The following PLXNA4 variants were observed in gnomAD, a reference collection of about 807,000 sequenced individuals.
PLXNA4 encodes the protein plexin-A4.
Under a neutral mutation model 191.8 loss-of-function variants are expected in PLXNA4, and 44 were observed. The ratio of observed to expected loss-of-function variants is 0.23; its 90% CI spans 0.18 to 0.29. The LOEUF is 0.29. Among genes scored for constraint, PLXNA4 ranks in the 10% least tolerant of loss-of-function variants. The pLI, the probability that PLXNA4 is intolerant of heterozygous loss-of-function variation, is 1.00. For synonymous variants in PLXNA4, 1,082 were observed against 1,009.5 expected (o/e 1.07, Z -1.36); for missense variants, 1,800 against 2,488.8 (o/e 0.72, Z 5.89).
At chr7:132,143,468 C>T (rs1795328286) in intron 29 of PLXNA4, among the ~76,000 whole-genome samples, 1 of 152,188 alleles carries the variant, frequency 6.6e-6, no homozygotes, top group Non-Finnish European at 1.5e-5. Context: ...TTGCACTGTG[C>T]TACTAAAAGC....
At chr7:132,471,332 G>T (rs1041478317) in intron 3 of PLXNA4, among the ~76,000 whole-genome samples, 1 of 152,134 alleles carries the variant, frequency 6.6e-6, no homozygotes, top group Non-Finnish European at 1.5e-5. Flanking sequence ...TGCAAGAACG[G>T]TGTAATACAA....
chr7:132,232,093 T>C (rs1335179303), intron 5 of PLXNA4, among the ~76,000 whole-genome samples: 1 of 152,098 alleles, frequency 6.6e-6, no homozygotes, highest in Non-Finnish European at 1.5e-5. Flanking sequence ...TCTTGTGGGG[T>C]CTGTCAAGGG....
intron 23 of PLXNA4, among the ~76,000 whole-genome samples, chr7:132,164,932 G>C (rs573918768): frequency 6.6e-6 from 1 of 152,216 alleles, no homozygotes. Context: ...AACTAGCCTT[G>C]GGAAGACTGT....
Position 132,337,417 on chromosome 7 carries a change from G to A in PLXNA4, c.1372-39195C>T, listed in dbSNP as rs571061982. Among the ~76,000 whole-genome samples the A allele has an allele frequency of 2.0e-3, 308 of 152,292 alleles. 2 individuals carry two copies. Among genetic ancestry groups the A allele is most frequent in the African/African-American group, 6.6e-3 (276 of 41,556 alleles). On this transcript the variant is annotated intron_variant, in intron 3 of 31. Coordinates refer to ENST00000321063, the MANE Select transcript of PLXNA4 (RefSeq NM_020911.2). ...CACAGAAATACATGGCTAAAACAGC[G>A]CACATATACCTGTGTTGTGCACATT...
chr7:132,640,219 T>C (rs1803711982), intron 2 of PLXNA4, among the ~76,000 whole-genome samples: 1 of 152,154 alleles, frequency 6.6e-6, no homozygotes, highest in East Asian at 1.9e-4. Context: ...ACGTGCTGGG[T>C]GCTGGGGTAC....
At chr7:132,406,509 A>G (rs768645187) in intron 3 of PLXNA4, among the ~76,000 whole-genome samples, 1 of 152,174 alleles carries the variant, frequency 6.6e-6, no homozygotes, top group African/African-American at 2.4e-5. Flanking sequence ...GACCACATGA[A>G]TGAAAAGAAT....
Position 132,507,563 on chromosome 7 carries a change from G to A in PLXNA4, c.1131C>T (p.Gly377=), listed in dbSNP as rs142219743. 3.8e-4 allele frequency: 611 copies of A among 1,613,852 alleles called. No individual in the cohort carries two copies. The highest frequency in any genetic ancestry group is 9.3e-4 in the Admixed American group (56 of 59,988). ...GCCAGGCCAGGTCCAGCGTGCCCTC[G>A]CCCCGGTAACAAGACTGCAGCCGCT... ...IKERLQSCYR[G]EGTLDLAWLK... The change falls in exon 2 of 32, where the codon GGC becomes GGT. Residue 377 remains glycine (G), a synonymous_variant. Coordinates refer to ENST00000321063, the MANE Select transcript of PLXNA4 (RefSeq NM_020911.2).
At chr7:132,181,338 C>T (rs766429495) in intron 18 of PLXNA4, 43 bp downstream of exon 18, 2 of 1,610,592 alleles carry the variant, frequency 1.2e-6, no homozygotes, top group Admixed American at 1.7e-5. Context: ...CATGCAGCAG[C>T]CCCTTCTTTT....
At chr7:132,550,280 A>C (rs1391183853) in intron 1 of PLXNA4, among the ~76,000 whole-genome samples, 1 of 152,196 alleles carries the variant, frequency 6.6e-6, no homozygotes, top group Non-Finnish European at 1.5e-5. Context: ...TGAGGCACCC[A>C]CAAGTGAGGA....
intron 9 of PLXNA4, among the ~76,000 whole-genome samples, chr7:132,216,809 C>T (rs1205523523): frequency 3.3e-5 from 5 of 152,186 alleles, no homozygotes; most frequent in African/African-American, 4.8e-5. Flanking sequence ...CCTTTATCCA[C>T]AGATGATGAT....
intron 20 of PLXNA4, among the ~76,000 whole-genome samples, chr7:132,175,815 G>T (rs1311753022): frequency 1.3e-5 from 2 of 152,218 alleles, no homozygotes; most frequent in Non-Finnish European, 2.9e-5. Context: ...ACATATACGT[G>T]CATGCATGCA....
chr7:132,392,172 G>A (rs1383432029), intron 3 of PLXNA4, among the ~76,000 whole-genome samples: 2 of 152,026 alleles, frequency 1.3e-5, no homozygotes, highest in African/African-American at 4.8e-5. Context: ...ACACATTGGT[G>A]TGCATGGGAA....
rs1425812575 is a variant in PLXNA4, at chr7:132,390,704, C to T, written c.1372-92482G>A. ...TTCTTCTCTGCCCCATGAGTCCCAGCCCCCTTCTGCCCACCAACCACTCTC... is the reference window on the plus strand; with the variant it reads ...TTCTTCTCTGCCCCATGAGTCCCAGTCCCCTTCTGCCCACCAACCACTCTC... On this transcript the variant is annotated intron_variant, in intron 3 of 31. Coordinates refer to ENST00000321063, the MANE Select transcript of PLXNA4 (RefSeq NM_020911.2). Among the ~76,000 whole-genome samples the T allele has an allele frequency of 2.6e-5, 4 of 152,204 alleles. No homozygotes were observed. In the East Asian group the frequency reaches 5.8e-4, roughly 22 times the overall value.
At chr7:132,509,320 G>C (rs975920802) in intron 1 of PLXNA4, among the ~76,000 whole-genome samples, 1 of 152,192 alleles carries the variant, frequency 6.6e-6, no homozygotes, top group Non-Finnish European at 1.5e-5. Context: ...TCTGGCCGTA[G>C]AGGTGGTAAC....
rs868668712 is a variant in PLXNA4 at position 132,426,706 on chromosome 7, A to T, written c.1371+62586T>A. 4.4e-4 allele frequency among the ~76,000 whole-genome samples: 67 copies of T among 152,280 alleles called. 1 individual carries two copies. The highest frequency in any genetic ancestry group is 1.5e-3 in the African/African-American group (62 of 41,554). On this transcript the variant is annotated intron_variant, in intron 3 of 31. Transcript: ENST00000321063. Reference sequence around the variant, plus strand: ...TATAGTCTTCTGGAAAGCCCAGAACATGCATTCTCAATGGGTACAAGAGTG... The same window carrying T: ...TATAGTCTTCTGGAAAGCCCAGAACTTGCATTCTCAATGGGTACAAGAGTG...
intron 1 of PLXNA4, among the ~76,000 whole-genome samples, chr7:132,573,857 T>A (rs1053782801): frequency 1.3e-5 from 2 of 152,052 alleles, no homozygotes. Context: ...GCAGCGAGGG[T>A]CTGCTGAAAA....
At chr7:132,359,209 CTTTTTTTTT>C (rs57415453) in intron 3 of PLXNA4, among the ~76,000 whole-genome samples, 1 of 110,902 alleles carries the variant, frequency 9.0e-6, no homozygotes, top group Non-Finnish European at 1.8e-5. Flanking sequence ...GTCAAGGCTG[CTTTTTTTTT>C]TTTTTTTTTT....
chr7:132,263,082 G>T (rs1799712307), intron 4 of PLXNA4, among the ~76,000 whole-genome samples: 1 of 152,164 alleles, frequency 6.6e-6, no homozygotes, highest in Non-Finnish European at 1.5e-5. Flanking sequence ...CATCCAGGCA[G>T]CCTGCACAGG....
At chr7:132,282,585 G>A (rs1436828926) in intron 4 of PLXNA4, among the ~76,000 whole-genome samples, 1 of 111,072 alleles carries the variant, frequency 9.0e-6, no homozygotes, top group Non-Finnish European at 1.7e-5. Context: ...TTATAGCCTG[G>A]GTGATAGAGC....
Sources: allele counts gnomAD v4.1 joint callset (sites outside exome capture counted in the v4.1 genomes callset), GRCh38; gene constraint gnomAD v4.1.1; transcripts MANE v1.5; gene names NCBI Gene and HGNC (gene_info 2026-07-23, HGNC 2026-07-21).